NRG1: variants seen among roughly 807,000 people sequenced by gnomAD.
NRG1 encodes pro-neuregulin-1, membrane-bound isoform.
A neutral mutation model predicts 63.8 loss-of-function variants in NRG1; 18 were observed. The observed-to-expected ratio is 0.28, with a 90% CI of 0.19 to 0.42. NRG1 has a LOEUF of 0.42. Among genes scored for constraint, NRG1 ranks in the 10% least tolerant of loss-of-function variants. The probability of loss-of-function intolerance (pLI) is 1.00; values close to 1 mark genes in which losing one functional copy is unlikely to be tolerated. For missense variants in NRG1, 762 were observed against 814.7 expected (o/e 0.94, Z 0.79); for synonymous variants, 302 against 301.3 (o/e 1.00, Z -0.02).
At chr8:32,411,977 T>G (rs985765070) in intron 1 of NRG1, among the ~76,000 whole-genome samples, 2 of 152,204 alleles carry the variant, frequency 1.3e-5, no homozygotes, top group Non-Finnish European at 2.9e-5. Flanking sequence ...CAGACATTTG[T>G]CCAGCCATTA....
intron 1 of NRG1, among the ~76,000 whole-genome samples, chr8:32,487,276 T>C (rs2881647): frequency 0.64 from 96,197 of 151,466 alleles, 30,796 homozygotes; most frequent in East Asian, 0.79. Context: ...TGCAATACTG[T>C]CTCAAATGTG....
At chr8:32,597,330 A>C (rs1159961373) in intron 2 of NRG1, among the ~76,000 whole-genome samples, 2 of 152,056 alleles carry the variant, frequency 1.3e-5, no homozygotes, top group Non-Finnish European at 2.9e-5. Context: ...CTTATCAAAG[A>C]TTTTGCTCTG....
intron 5 of NRG1, among the ~76,000 whole-genome samples, chr8:32,617,665 C>G (rs1847621379): frequency 6.6e-6 from 1 of 152,134 alleles, no homozygotes; most frequent in African/African-American, 2.4e-5. Flanking sequence ...ATGTTAGCTC[C>G]TTATTTAAAG....
intron 1 of NRG1, among the ~76,000 whole-genome samples, chr8:31,860,877 G>A (rs1585326946): frequency 6.6e-6 from 1 of 152,060 alleles, no homozygotes; most frequent in Non-Finnish European, 1.5e-5. Context: ...CACATATTCC[G>A]TTACTTAGCC....
At chr8:32,228,173 C>A (rs1221049255) in intron 1 of NRG1, among the ~76,000 whole-genome samples, 3 of 151,944 alleles carry the variant, frequency 2.0e-5, no homozygotes, top group African/African-American at 4.8e-5. Flanking sequence ...TTAATTGATA[C>A]CTTATATTTA....
At chr8:32,544,687 T>TA (rs1365027438), upstream of NRG1, among the ~76,000 whole-genome samples, 1 of 138,572 alleles carries the variant, frequency 7.2e-6, no homozygotes, top group South Asian at 2.4e-4. Flanking sequence ...ATCTTTTTTT[T>TA]TTTTTTTTTT....
At chr8:32,119,303 G>A (rs1167097643) in intron 1 of NRG1, among the ~76,000 whole-genome samples, 1 of 152,072 alleles carries the variant, frequency 6.6e-6, no homozygotes, top group Non-Finnish European at 1.5e-5. Context: ...TAAAACTAAA[G>A]TCACGTAGCG....
At chr8:31,961,727 GC>G (rs1202812583) in intron 1 of NRG1, among the ~76,000 whole-genome samples, 2 of 152,166 alleles carry the variant, frequency 1.3e-5, no homozygotes, top group East Asian at 3.9e-4. Context: ...AGGAAATGAA[GC>G]ATGAAGGGAA....
intron 5 of NRG1, among the ~76,000 whole-genome samples, chr8:32,683,975 A>G (rs1012280764): frequency 6.6e-6 from 1 of 151,908 alleles, no homozygotes; most frequent in Non-Finnish European, 1.5e-5. Context: ...TGGGTGGATC[A>G]CTTGAGGCCA....
At chr8:32,157,741 A>G (rs186704274) in intron 1 of NRG1, among the ~76,000 whole-genome samples, 101 of 151,262 alleles carry the variant, frequency 6.7e-4, no homozygotes, top group African/African-American at 2.4e-3. Context: ...ATAAATATGT[A>G]TCCACAGAGA....
chr8:32,704,542 G>T (rs1815830595), intron 5 of NRG1, among the ~76,000 whole-genome samples: 1 of 152,182 alleles, frequency 6.6e-6, no homozygotes. Flanking sequence ...CAAACAAAAG[G>T]CATAGTTAAA....
At chr8:31,758,855 T>C (rs559730000) in intron 1 of NRG1, among the ~76,000 whole-genome samples, 1 of 152,276 alleles carries the variant, frequency 6.6e-6, no homozygotes, top group South Asian at 2.1e-4. Context: ...GTTTTCCAAA[T>C]TGGTTATACC....
chr8:32,258,982 G>C (rs979459529), intron 1 of NRG1, among the ~76,000 whole-genome samples: 2 of 152,108 alleles, frequency 1.3e-5, no homozygotes, highest in African/African-American at 4.8e-5. Context: ...AAAGGAAATG[G>C]AAGTCAGCAC....
rs1829241739 is a variant in NRG1 at position 32,754,166 on chromosome 8, G to T, written c.692-206G>T. On this transcript the variant is annotated intron_variant, in intron 7 of 11. Coordinates refer to ENST00000356819, the Ensembl canonical transcript of NRG1. The stretch of plus-strand genomic sequence containing the variant: ...GAGTATAATATTTGTATTGTAAATG[G>T]CCCCAGCTGGCTTTTTTATATTTAT... 1.3e-5 allele frequency among the ~76,000 whole-genome samples: 2 copies of T among 151,942 alleles called. 1 individual carries two copies.
chr8:32,021,083 A>C (rs1816356699), intron 1 of NRG1, among the ~76,000 whole-genome samples: 1 of 152,220 alleles, frequency 6.6e-6, no homozygotes, highest in South Asian at 2.1e-4. Context: ...CTGCCATTTA[A>C]ACAGCACTAC....
intron 1 of NRG1, among the ~76,000 whole-genome samples, chr8:31,949,864 G>T (rs1208209087): frequency 1.3e-5 from 2 of 152,146 alleles, no homozygotes; most frequent in Non-Finnish European, 2.9e-5. Flanking sequence ...CTGCAAATTT[G>T]TTTTTCCTCC....
At chr8:32,773,532 G>C (rs1263096796) in intron 7 of NRG1, among the ~76,000 whole-genome samples, 1 of 152,138 alleles carries the variant, frequency 6.6e-6, no homozygotes, top group East Asian at 1.9e-4. Flanking sequence ...CAATAGTCTA[G>C]ATTTCTCCCT....
chr8:31,890,177 GCATACT>G (rs760328401), intron 1 of NRG1, among the ~76,000 whole-genome samples: 4 of 152,114 alleles, frequency 2.6e-5, no homozygotes, highest in Admixed American at 6.5e-5. Context: ...AGATATTGCA[GCATACT>G]CTGGAGGACA....
chr8:32,708,301 T>C (rs961833034), intron 5 of NRG1, among the ~76,000 whole-genome samples: 5 of 152,110 alleles, frequency 3.3e-5, no homozygotes, highest in African/African-American at 1.2e-4. Context: ...TGTTATTGAG[T>C]TTTCTAAATT....
Sources: gnomAD v4.1 joint callset for allele counts (sites outside exome capture counted in the v4.1 genomes callset) on GRCh38, gnomAD v4.1.1 for gene constraint, MANE v1.5 for transcripts, NCBI Gene and HGNC (gene_info 2026-07-23, HGNC 2026-07-21) for gene names.